KIF13B: variants seen among roughly 807,000 people sequenced by gnomAD.
KIF13B encodes kinesin family member 13B.
Under a neutral mutation model 222.0 loss-of-function variants are expected in KIF13B, and 127 were observed. The observed-to-expected ratio is 0.57, with a 90% CI of 0.50 to 0.66. KIF13B has a LOEUF of 0.66. Among genes scored for constraint, KIF13B ranks in the 30% least tolerant of loss-of-function variants. The pLI, the probability that KIF13B is intolerant of heterozygous loss-of-function variation, is 0.00. For synonymous variants in KIF13B, 976 were observed against 919.0 expected (o/e 1.06, Z -1.12); for missense variants, 2,173 against 2,379.0 (o/e 0.91, Z 1.80).
chr8:29,210,268 C>T (rs968522301), intron 2 of KIF13B, among the ~76,000 whole-genome samples: 3 of 152,050 alleles, frequency 2.0e-5, no homozygotes, highest in African/African-American at 7.2e-5. Context: ...TGTAAACTGC[C>T]CAGAACACTT....
At chr8:29,085,418 G>A (rs1460332487) in intron 37 of KIF13B, among the ~76,000 whole-genome samples, 1 of 152,046 alleles carries the variant, frequency 6.6e-6, no homozygotes, top group African/African-American at 2.4e-5. Flanking sequence ...AGGAATGACT[G>A]GTAAAAACAG....
chr8:29,105,018 G>A (rs1302507278), intron 35 of KIF13B, among the ~76,000 whole-genome samples: 3 of 151,874 alleles, frequency 2.0e-5, no homozygotes, highest in Admixed American at 6.6e-5. Flanking sequence ...CCAGGCTGGA[G>A]TGCAATGGTG....
At chr8:29,085,214 G>C (rs912784215) in intron 37 of KIF13B, among the ~76,000 whole-genome samples, 1 of 152,170 alleles carries the variant, frequency 6.6e-6, no homozygotes, top group Non-Finnish European at 1.5e-5. Flanking sequence ...CCAAAGAACA[G>C]GTTAATAAGC....
In KIF13B at chr8:29,109,906, C is replaced by T. The variant is rs755282336; in HGVS notation, c.4083+12G>A. 1.4e-5 allele frequency: 23 copies of T among 1,612,224 alleles called. No homozygotes were observed. Among genetic ancestry groups the T allele is most frequent in the Non-Finnish European group, 1.8e-5 (21 of 1,179,286 alleles). On this transcript the variant is annotated intron_variant, in intron 33 of 39. Coordinates refer to ENST00000524189, the MANE Select transcript of KIF13B (RefSeq NM_015254.4). ...GCCTCTGCTGCCCGCCCTATCCATG[C>T]GGTTGGCTAACCTGGCGCAGACGAT...
intron 1 of KIF13B, among the ~76,000 whole-genome samples, chr8:29,250,580 A>C (rs1247967472): frequency 1.3e-5 from 2 of 152,240 alleles, no homozygotes; most frequent in Admixed American, 1.3e-4. Flanking sequence ...ACACCCATCA[A>C]AGATGGCCTT....
intron 32 of KIF13B, among the ~76,000 whole-genome samples, chr8:29,112,682 T>C (rs1809413084): frequency 6.6e-6 from 1 of 152,048 alleles, no homozygotes; most frequent in Non-Finnish European, 1.5e-5. Context: ...GAGAAGGAAT[T>C]TTCTCTTTTC....
intron 2 of KIF13B, among the ~76,000 whole-genome samples, chr8:29,224,509 G>A (rs1814926259): frequency 6.6e-6 from 1 of 152,180 alleles, no homozygotes; most frequent in Non-Finnish European, 1.5e-5. Flanking sequence ...AATGTGATAC[G>A]AAAACAGCTG....
chr8:29,181,856 G>GA, intron 7 of KIF13B, 63 bp downstream of exon 7: 134 of 1,100,078 alleles, frequency 1.2e-4, no homozygotes, highest in South Asian at 2.8e-4. Context: ...ATTAAGCCAA[G>GA]AAAAAAAAGA....
At position 29,180,124 on chromosome 8, in the gene KIF13B, G is replaced by A; in HGVS notation, c.700C>T (p.Leu234Phe). ...CCTACCCCAGACTTCACATCGTAGA[G>A]AGTATGTGTGAGGGTGATTTTGAAA... ...AVFKITLTHT[L>F]YDVKSGTSGE... The change falls in exon 8 of 40, where the codon CTC becomes TTC. Residue 234 changes from leucine (L) to phenylalanine (F), a missense_variant. Physicochemically the swap from Leu to Phe is conservative, Grantham distance 22 (BLOSUM62 0). Around this residue, in one of 2 missense-constraint regions of KIF13B, gnomAD observed 1,480 missense variants for 1,722.8 expected, o/e 0.86. Coordinates refer to ENST00000524189, the MANE Select transcript of KIF13B (RefSeq NM_015254.4). 1 of 1,614,012 alleles carries A rather than the reference G, an allele frequency of 6.2e-7. No individual in the cohort carries two copies. Among genetic ancestry groups the A allele is most frequent in the Non-Finnish European group, 8.5e-7 (1 of 1,179,880 alleles).
chr8:29,139,399 A>G (rs1398080850), intron 21 of KIF13B, among the ~76,000 whole-genome samples: 2 of 152,214 alleles, frequency 1.3e-5, no homozygotes, highest in African/African-American at 2.4e-5. Flanking sequence ...ATCTCCGATC[A>G]TCACATGACT....
chr8:29,222,746 C>T (rs1563802662), intron 2 of KIF13B, among the ~76,000 whole-genome samples: 1 of 151,924 alleles, frequency 6.6e-6, no homozygotes, highest in Non-Finnish European at 1.5e-5. Context: ...AAAGACTTCG[C>T]CATAACTTTT....
chr8:29,165,973 C>CA (rs1006723295), intron 11 of KIF13B, among the ~76,000 whole-genome samples: 38 of 135,300 alleles, frequency 2.8e-4, no homozygotes, highest in African/African-American at 1.0e-3. Flanking sequence ...AAAATATGCC[C>CA]AAAAAGAAGG....
intron 30 of KIF13B, among the ~76,000 whole-genome samples, chr8:29,118,471 G>A (rs1164608974): frequency 6.6e-6 from 1 of 152,052 alleles, no homozygotes; most frequent in Non-Finnish European, 1.5e-5. Flanking sequence ...CTCCAGCCTG[G>A]GTGACAGAGC....
At chr8:29,250,175 A>G in intron 1 of KIF13B, 1 of 553,976 alleles carries the variant, frequency 1.8e-6, no homozygotes, top group Non-Finnish European at 3.1e-6. Flanking sequence ...TCTTGCAAGA[A>G]CATTTCGTCT....
rs1340811187 is a variant in KIF13B at position 29,070,315 on chromosome 8, T to C, written c.*189A>G. ...AGGAGGCACAGTTGAGGCCCCCACT[T>C]TACCCGGGTACAGAAGAAACAAAGC... On this transcript the variant is annotated 3_prime_UTR_variant, in exon 40 of 40. Transcript: ENST00000524189. This position sits in a 1 kb window ranked among gnomAD's most constrained non-coding sequence, Gnocchi z 4.1. 1 of 634,836 alleles carries C rather than the reference T, an allele frequency of 1.6e-6. No homozygotes were observed. The highest frequency in any genetic ancestry group is 3.1e-5 in the Admixed American group (1 of 32,786). The allele number at this position is 634,836 out of a possible 1,614,324, so 39.3% of individuals were successfully genotyped here. A position where few individuals can be genotyped will look rare whatever the true frequency, so the allele number is the denominator to read the frequency against.
chr8:29,147,721 C>T (rs369756260), intron 16 of KIF13B, 119 bp from the exon 17 acceptor site: 4 of 742,380 alleles, frequency 5.4e-6, no homozygotes, highest in Middle Eastern at 2.9e-4. Context: ...ACTTTAAAGA[C>T]AATTTGGCAT....
Position 29,245,422 on chromosome 8 carries a change from T to C in KIF13B, c.73A>G (p.Lys25Glu). The C allele has an allele frequency of 5.0e-6, 8 of 1,598,890 alleles. No individual in the cohort carries two copies. Among genetic ancestry groups the C allele is most frequent in the Non-Finnish European group, 6.8e-6 (8 of 1,171,304 alleles). The change falls in exon 2 of 40, where the codon AAA becomes GAA. Residue 25 changes from lysine to glutamate, a missense_variant. This residue lies in a region of KIF13B where 1,480 missense variants were observed against 1,722.8 expected (regional missense o/e 0.86). Transcript: ENST00000524189. ...TTTGCATCCACATCCACCACACATT[T>C]GGTATGCAAGTCAGTCTCTGTGGAT... ...MNRRETDLHT[K>E]CVVDVDANKV...
Position 29,171,729 on chromosome 8 carries a change from T to C in KIF13B, c.946-4144A>G, listed in dbSNP as rs140094370. Among the ~76,000 whole-genome samples the C allele has an allele frequency of 5.9e-3, 891 of 151,002 alleles. 7 individuals are homozygous for C. Among genetic ancestry groups the C allele is most frequent in the Non-Finnish European group, 9.6e-3 (648 of 67,812 alleles). ...GATCTTCTGTGAAGTCCAAATGACGTTAAAAAAAATCATATAATTTTTTTT... is the reference window on the plus strand; with the variant it reads ...GATCTTCTGTGAAGTCCAAATGACGCTAAAAAAAATCATATAATTTTTTTT... On this transcript the variant is annotated intron_variant, in intron 10 of 39. Coordinates refer to ENST00000524189, the MANE Select transcript of KIF13B (RefSeq NM_015254.4).
chr8:29,248,546 G>A (rs773629256), intron 1 of KIF13B, among the ~76,000 whole-genome samples: 8 of 152,128 alleles, frequency 5.3e-5, no homozygotes, highest in Non-Finnish European at 1.2e-4. Flanking sequence ...AGCGAACAGG[G>A]TTTCCCCTTA....
Sources: gnomAD v4.1 joint callset for allele counts (sites outside exome capture counted in the v4.1 genomes callset) on GRCh38, gnomAD v4.1.1 for gene constraint, gnomAD v4.1.1 regional missense constraint, Gnocchi (gnomAD v3.1) non-coding constraint, MANE v1.5 for transcripts, NCBI Gene and HGNC (gene_info 2026-07-23, HGNC 2026-07-21) for gene names.